ZC3H7B: variants seen among roughly 807,000 people sequenced by gnomAD.
ZC3H7B encodes the protein zinc finger CCCH domain-containing protein 7B.
A neutral mutation model predicts 116.0 loss-of-function variants in ZC3H7B; 35 were observed. That is an observed-to-expected ratio of 0.30 (90% CI 0.23 to 0.40). The LOEUF is 0.40. Ranked by LOEUF, ZC3H7B falls within the 10% of genes least tolerant of loss-of-function variation. The pLI is 1.00. For synonymous variants in ZC3H7B, 502 were observed against 545.6 expected (o/e 0.92, Z 1.11); for missense variants, 1,011 against 1,321.5 (o/e 0.77, Z 3.64).
intron 1 of ZC3H7B, among the ~76,000 whole-genome samples, chr22:41,304,174 A>G (rs1048480634): frequency 6.6e-6 from 1 of 151,812 alleles, no homozygotes; most frequent in Non-Finnish European, 1.5e-5. Flanking sequence ...TCCCAAAGGG[A>G]TAGGGTTACA....
intron 2 of ZC3H7B, 143 bp from the exon 3 acceptor site, chr22:41,325,421 T>C (rs1238412879): frequency 4.6e-6 from 5 of 1,083,556 alleles, no homozygotes; most frequent in Admixed American, 4.3e-5. Flanking sequence ...TGCATGGCAA[T>C]GATTTAGGAG....
intron 6 of ZC3H7B, 69 bp from the exon 7 acceptor site, chr22:41,332,102 C>A: frequency 6.3e-7 from 1 of 1,578,734 alleles, no homozygotes; most frequent in South Asian, 1.1e-5. Context: ...TTTGCTGCCC[C>A]AGCTAAGGGG....
At chr22:41,348,710 TG>T (rs2036620005) in intron 15 of ZC3H7B, among the ~76,000 whole-genome samples, 1 of 152,188 alleles carries the variant, frequency 6.6e-6, no homozygotes, top group Admixed American at 6.5e-5. Flanking sequence ...CGTCCAAGCC[TG>T]GGTTTCCTCG....
rs541584425 is a variant in ZC3H7B at position 41,348,228 on chromosome 22, G to A, written c.1766+61G>A. The A allele has an allele frequency of 1.2e-4, 176 of 1,441,016 alleles. 2 individuals are homozygous for A. The South Asian group carries it at 2.0e-3, about 16-fold the overall frequency. 89.3% of individuals were successfully genotyped at this position (1,441,016 alleles called of 1,614,324 possible). A position where few individuals can be genotyped will look rare whatever the true frequency, so the allele number is the denominator to read the frequency against. On this transcript the variant is annotated intron_variant, in intron 15 of 22. Transcript: ENST00000352645. ...GGCCAGTGGAGAGTCCCCTCAGGCAGCTCAGATGGCTGAGGAAAGGCTGAA... is the reference window on the plus strand; with the variant it reads ...GGCCAGTGGAGAGTCCCCTCAGGCAACTCAGATGGCTGAGGAAAGGCTGAA...
Position 41,338,303 on chromosome 22 carries a change from C to T in ZC3H7B, c.583-10C>T. 6.2e-7 allele frequency: 1 copy of T among 1,613,336 alleles called. No individual in the cohort carries two copies. The highest frequency in any genetic ancestry group is 8.5e-7 in the Non-Finnish European group (1 of 1,179,754). On this transcript the variant is annotated splice_polypyrimidine_tract_variant and intron_variant, in intron 7 of 22. Coordinates refer to ENST00000352645, the MANE Select transcript of ZC3H7B (RefSeq NM_017590.6). The surrounding 1 kb of genome is among the most constrained non-coding windows in gnomAD (Gnocchi z 4.5). ...CCAGCCACAGCGCCACTGTGGCCCT[C>T]TCCCCACAGGGAACTTCTAATGGAT... is the stretch of plus-strand genomic sequence containing the variant.
In ZC3H7B at chr22:41,320,762, G is replaced by A; in HGVS notation, c.53+49G>A. 4.4e-6 allele frequency: 7 copies of A among 1,575,044 alleles called. 1 individual carries two copies. The highest frequency in any genetic ancestry group is 5.2e-6 in the Non-Finnish European group (6 of 1,145,998). On this transcript the variant is annotated intron_variant, in intron 2 of 22. Transcript: ENST00000352645. ...TGGACGGCTGGGTGGGCAAGGGTGG[G>A]TTCTCTGAGAGCCATGCCCTCCCAG...
intron 1 of ZC3H7B, among the ~76,000 whole-genome samples, chr22:41,316,256 G>C (rs1041689626): frequency 6.6e-6 from 1 of 150,434 alleles, no homozygotes; most frequent in Non-Finnish European, 1.5e-5. Flanking sequence ...GCCTCCCAAA[G>C]TGCTGGGATT....
rs2036746799 is a variant in ZC3H7B, at chr22:41,358,282, G to C, written c.*853G>C. Reference sequence around the variant, plus strand: ...CCTCAGCAGGGATGCGATGGTCTCTGAATCAGTGTGCAGCTGGGGTCCCAG... The same window carrying C: ...CCTCAGCAGGGATGCGATGGTCTCTCAATCAGTGTGCAGCTGGGGTCCCAG... On this transcript the variant is annotated 3_prime_UTR_variant, in exon 23 of 23. Transcript: ENST00000352645. 1 of 151,710 alleles carries C rather than the reference G, an allele frequency of 6.6e-6. No homozygotes were observed. Among genetic ancestry groups the C allele is most frequent in the African/African-American group, 2.4e-5 (1 of 41,282 alleles). The allele number at this position is 151,710 out of a possible 1,614,324, so 9.4% of individuals were successfully genotyped here.
chr22:41,333,473 A>G (rs2036407475), intron 7 of ZC3H7B: 1 of 152,156 alleles, frequency 6.6e-6, no homozygotes, highest in African/African-American at 2.4e-5. Flanking sequence ...CAAAAATACA[A>G]AAATTAGCCG....
rs764307140 is a variant in ZC3H7B, at chr22:41,340,157, C to G, written c.1138+20C>G. ...TCATGGGTAAGGCCATGGGTGGGCC[C>G]GTTCAACCTCCCTGGACAGGTTGCA... On this transcript the variant is annotated intron_variant, in intron 10 of 22. Coordinates refer to ENST00000352645, the MANE Select transcript of ZC3H7B (RefSeq NM_017590.6). The G allele has an allele frequency of 6.3e-7, 1 of 1,578,282 alleles. No homozygotes were observed. The highest frequency in any genetic ancestry group is 1.2e-5 in the South Asian group (1 of 86,132).
chr22:41,314,510 A>C, intron 1 of ZC3H7B, among the ~76,000 whole-genome samples: 1 of 149,458 alleles, frequency 6.7e-6, no homozygotes, highest in Non-Finnish European at 1.5e-5. Context: ...CTGGTCTTGA[A>C]CTCCTGGGAT....
chr22:41,320,515 C>T, intron 1 of ZC3H7B, 140 bp from the exon 2 acceptor site: 2 of 960,666 alleles, frequency 2.1e-6, no homozygotes, highest in Admixed American at 1.8e-5. Flanking sequence ...GGTCATCGCC[C>T]TCAGGGACAC....
Position 41,351,420 on chromosome 22 carries a change from ACCCCATGTCTTAC to A in ZC3H7B, c.1949-140_1949-128del. The A allele has an allele frequency of 1.5e-6, 1 of 664,370 alleles. No individual in the cohort carries two copies. The highest frequency in any genetic ancestry group is 2.6e-6 in the Non-Finnish European group (1 of 385,316). 41.2% of individuals were successfully genotyped at this position (664,370 alleles called of 1,614,324 possible). On this transcript the variant is annotated intron_variant, in intron 16 of 22. Coordinates refer to ENST00000352645, the MANE Select transcript of ZC3H7B (RefSeq NM_017590.6). This position sits in a 1 kb window ranked among gnomAD's most constrained non-coding sequence, Gnocchi z 5.1. ...CAGATGGACAAAGTGGTTCCCTTGT[ACCCCATGTCTTAC>A]TGTGGCTGGGCTGAGAATAGGGCTC... is the stretch of plus-strand genomic sequence containing the variant.
Position 41,339,960 on chromosome 22 carries a change from T to C in ZC3H7B, c.961T>C (p.Phe321Leu). The change falls in exon 10 of 23, where the codon TTC becomes CTC. Residue 321 changes from phenylalanine to leucine, a missense_variant. By Grantham distance (22) the Phe-to-Leu change is conservative. Coordinates refer to ENST00000352645, the MANE Select transcript of ZC3H7B (RefSeq NM_017590.6). The stretch of plus-strand genomic sequence containing the variant: ...CTCCAGCCCACTGCCCCCCGCCTCC[T>C]TCGGCTTGGTCATGGACCCCTCCAA... ...PVSSPLPPAS[F>L]GLVMDPSKKL... 1 of 1,612,546 alleles carries C rather than the reference T, an allele frequency of 6.2e-7. No homozygotes were observed. The highest frequency in any genetic ancestry group is 8.5e-7 in the Non-Finnish European group (1 of 1,179,996).
chr22:41,355,991 A>T lies in ZC3H7B; in HGVS notation c.2312A>T (p.Tyr771Phe). 6.4e-7 allele frequency: 1 copy of T among 1,566,692 alleles called. No individual in the cohort carries two copies. The highest frequency in any genetic ancestry group is 2.2e-5 in the East Asian group (1 of 44,488). ...IHAQNGRKCQYVGNCSFAHSP... is the reference protein window; with the variant it reads ...IHAQNGRKCQFVGNCSFAHSP... ...GCACAGAACGGCCGCAAGTGCCAAT[A>T]TGTGGGGAACTGCTCCTTCGCACAC... Residue 771 changes from tyrosine to phenylalanine, a missense_variant, in exon 20 of 23, where the codon TAT becomes TTT. Coordinates refer to ENST00000352645, the MANE Select transcript of ZC3H7B (RefSeq NM_017590.6).
rs948992893 is a variant in ZC3H7B at position 41,338,879 on chromosome 22, G to T, written c.626-122G>T. On this transcript the variant is annotated intron_variant, in intron 8 of 22. Coordinates refer to ENST00000352645, the MANE Select transcript of ZC3H7B (RefSeq NM_017590.6). This position sits in a 1 kb window ranked among gnomAD's most constrained non-coding sequence, Gnocchi z 4.5. ...TGGGATCAGCCGATGGGGAAGGCAG[G>T]GCTCCTGGCAAGAGCTGAAAGAAGA... The T allele has an allele frequency of 3.5e-6, 4 of 1,146,390 alleles. No individual in the cohort carries two copies. Among genetic ancestry groups the T allele is most frequent in the Admixed American group, 5.0e-5 (2 of 40,124 alleles). The allele number at this position is 1,146,390 out of a possible 1,614,324, so 71.0% of individuals were successfully genotyped here.
Position 41,307,993 on chromosome 22 carries a change from G to A in ZC3H7B, c.-7+6221G>A, listed in dbSNP as rs2036068213. On this transcript the variant is annotated intron_variant, in intron 1 of 22. Coordinates refer to ENST00000352645, the MANE Select transcript of ZC3H7B (RefSeq NM_017590.6). ...CTGTGTCCACAGTCTCTCATTAATT[G>A]TCATGACAGTCTTTTGAGGTAAGGT... Among the ~76,000 whole-genome samples, 4 of 152,130 alleles carry A rather than the reference G, an allele frequency of 2.6e-5. No individual in the cohort carries two copies. The South Asian group carries it at 8.3e-4, about 32-fold the overall frequency.
intron 13 of ZC3H7B, among the ~76,000 whole-genome samples, chr22:41,345,281 AT>A (rs2145934470): frequency 6.6e-6 from 1 of 152,134 alleles, no homozygotes; most frequent in South Asian, 2.1e-4. Flanking sequence ...CTGGTGAATA[AT>A]TATTTTTAAA....
At chr22:41,322,709 T>C (rs2036272829) in intron 2 of ZC3H7B, among the ~76,000 whole-genome samples, 1 of 152,206 alleles carries the variant, frequency 6.6e-6, no homozygotes, top group Non-Finnish European at 1.5e-5. Context: ...TTTTCTTAAA[T>C]AGGGCTCCCC....
Sources: allele counts gnomAD v4.1 joint callset (sites outside exome capture counted in the v4.1 genomes callset), GRCh38; gene constraint gnomAD v4.1.1; non-coding constraint Gnocchi (gnomAD v3.1); transcripts MANE v1.5; gene names NCBI Gene and HGNC (gene_info 2026-07-23, HGNC 2026-07-21).